The following DIP2A variants were observed in gnomAD, a reference collection of about 807,000 sequenced individuals.
DIP2A encodes DIP2 acetate--CoA ligase A.
In DIP2A, 85 loss-of-function variants were observed where a neutral mutation model predicts 177.4. The observed-to-expected ratio is 0.48, with a 90% CI of 0.40 to 0.57. The LOEUF (loss-of-function observed/expected upper bound fraction) is 0.57, where lower values mean the gene tolerates loss of function less well. Among genes scored for constraint, DIP2A ranks in the 20% least tolerant of loss-of-function variants. The probability of loss-of-function intolerance (pLI) is 0.00; values close to 1 mark genes in which losing one functional copy is unlikely to be tolerated. For synonymous variants in DIP2A, 886 were observed against 881.8 expected, an observed-to-expected ratio of 1.00 and a Z score of -0.08; for missense variants, 1,791 against 2,100.2, an observed-to-expected ratio of 0.85 and a Z score of 2.88.
At position 46,459,062 on chromosome 21, in the gene DIP2A, C is replaced by T. The variant is rs1018351840; in HGVS notation, c.-70C>T. ...GTTGGCCTGAGGGGAGCTACGTAGC[C>T]GAGGTTTGCGCTGCCGCCGCCAGGC... On this transcript the variant is annotated 5_prime_UTR_variant, in exon 1 of 38. Coordinates refer to ENST00000417564, the MANE Select transcript of DIP2A (RefSeq NM_015151.4). The T allele has an allele frequency of 2.4e-5, 31 of 1,293,444 alleles. No individual in the cohort carries two copies. In the Middle Eastern group the frequency reaches 7.7e-4, roughly 32 times the overall value. 80.1% of individuals were successfully genotyped at this position (1,293,444 alleles called of 1,614,324 possible).
chr21:46,459,094 CG>C lies in DIP2A; in HGVS notation c.-36del. 7.0e-7 allele frequency: 1 copy of C among 1,423,610 alleles called. No individual in the cohort carries two copies. Among genetic ancestry groups the C allele is most frequent in the Non-Finnish European group, 9.2e-7 (1 of 1,091,326 alleles). 88.2% of individuals were successfully genotyped at this position (1,423,610 alleles called of 1,614,324 possible). On this transcript the variant is annotated 5_prime_UTR_variant, in exon 1 of 38. Transcript: ENST00000417564. ...TGCGCTGCCGCCGCCAGGCCCGGTC[CG>C]GTTCCAGCCTCTGCCCGGACGCTAG...
At chr21:46,550,228 T>C (rs1601806740) in intron 22 of DIP2A, 2 of 659,744 alleles carry the variant, frequency 3.0e-6, no homozygotes, top group East Asian at 5.8e-5. Context: ...GAAAAAACTT[T>C]CCTCCTCCTG....
At chr21:46,469,888 T>G (rs1241848338) in intron 1 of DIP2A, among the ~76,000 whole-genome samples, 1 of 152,230 alleles carries the variant, frequency 6.6e-6, no homozygotes, top group African/African-American at 2.4e-5. Flanking sequence ...GTGTGACTGC[T>G]TCTCTTATCA....
At chr21:46,473,474 G>A (rs896268686) in intron 1 of DIP2A, among the ~76,000 whole-genome samples, 1 of 147,248 alleles carries the variant, frequency 6.8e-6, no homozygotes, top group Admixed American at 6.7e-5. Context: ...AAAAGGGGGG[G>A]GGGCCATGGC....
At chr21:46,492,199 C>G (rs1351244714) in intron 3 of DIP2A, among the ~76,000 whole-genome samples, 5 of 151,914 alleles carry the variant, frequency 3.3e-5, no homozygotes, top group African/African-American at 1.2e-4. Context: ...CAAAAGTTTA[C>G]TTTTTTGCAT....
At chr21:46,488,873 G>A (rs1292152528) in intron 2 of DIP2A, among the ~76,000 whole-genome samples, 4 of 152,158 alleles carry the variant, frequency 2.6e-5, no homozygotes, top group Non-Finnish European at 5.9e-5. Context: ...CTATCTCAAA[G>A]AATAAAAGGA....
intron 1 of DIP2A, among the ~76,000 whole-genome samples, chr21:46,464,424 T>G (rs1177582788): frequency 6.6e-6 from 1 of 152,180 alleles, no homozygotes; most frequent in Non-Finnish European, 1.5e-5. Context: ...ATGTTCAGAT[T>G]CTACTCATCT....
Position 46,546,994 on chromosome 21 carries a change from T to C in DIP2A, c.2474T>C (p.Val825Ala), listed in dbSNP as rs377302362. 1.9e-6 allele frequency: 3 copies of C among 1,613,996 alleles called. No individual in the cohort carries two copies. Among genetic ancestry groups the C allele is most frequent in the Admixed American group, 1.7e-5 (1 of 60,016 alleles). Residue 825 changes from valine (V) to alanine (A), a missense_variant, in exon 21 of 38, where the codon GTG becomes GCG. By Grantham distance (64) the Val-to-Ala change is moderately conservative. Transcript: ENST00000417564. ...CGCAGACACAATGCAGATGACGTTG[T>C]GGCCACCGCACTGGCCGTGGAGCCC... Reference protein sequence around the residue: ...GVRRHNADDVVATALAVEPMK... With the variant: ...GVRRHNADDVAATALAVEPMK...
chr21:46,463,474 A>G (rs901538678), intron 1 of DIP2A, among the ~76,000 whole-genome samples: 5 of 152,104 alleles, frequency 3.3e-5, no homozygotes, highest in Admixed American at 2.6e-4. Flanking sequence ...TCCCATTCCA[A>G]TTACTTTATT....
chr21:46,463,719 T>TGTGTGTGTGTGTGTGTGTGTGTGTG (rs35675489), intron 1 of DIP2A, among the ~76,000 whole-genome samples: 2 of 122,414 alleles, frequency 1.6e-5, no homozygotes, highest in African/African-American at 4.2e-5. Flanking sequence ...TGTGTGTGTG[T>TGTGTGTGTGTGTGTGTGTGTGTGTG]ATATTTTGAG....
intron 7 of DIP2A, 78 bp from the exon 8 acceptor site, chr21:46,511,339 A>C: frequency 7.1e-7 from 1 of 1,402,732 alleles, no homozygotes. Flanking sequence ...ACAATATTAT[A>C]AACTATGAAT....
At chr21:46,560,847 T>G (rs2839324) in intron 33 of DIP2A, 64 bp downstream of exon 33, 197,066 of 1,554,702 alleles carry the variant, frequency 0.13, 13,170 homozygotes, top group Middle Eastern at 0.15. Flanking sequence ...AAACCAGGTC[T>G]GCACTGACTA....
intron 3 of DIP2A, among the ~76,000 whole-genome samples, chr21:46,493,747 T>C (rs1312438891): frequency 1.3e-5 from 2 of 152,182 alleles, no homozygotes; most frequent in Non-Finnish European, 2.9e-5. Context: ...CTTTCCTGAG[T>C]AGGAAAAGGT....
At chr21:46,519,567 G>A (rs2058730251) in intron 8 of DIP2A, among the ~76,000 whole-genome samples, 1 of 152,136 alleles carries the variant, frequency 6.6e-6, no homozygotes, top group African/African-American at 2.4e-5. Context: ...AGAAAGAAAG[G>A]AGCTAAGTCA....
intron 5 of DIP2A, among the ~76,000 whole-genome samples, chr21:46,500,453 G>A (rs1009220741): frequency 6.6e-6 from 1 of 152,108 alleles, no homozygotes; most frequent in African/African-American, 2.4e-5. Context: ...TGCCTTCTCT[G>A]TTCATCGTTG....
rs540024114 is a variant in DIP2A at position 46,506,714 on chromosome 21, T to C, written c.784+2225T>C. On this transcript the variant is annotated intron_variant, in intron 6 of 37. Coordinates refer to ENST00000417564, the MANE Select transcript of DIP2A (RefSeq NM_015151.4). ...ACTTTTGGCCTATTTTTTTTTTTAA[T>C]TGTGCTTGTTTTTCTTTCTTTCTTT... Among the ~76,000 whole-genome samples the C allele has an allele frequency of 1.1e-3, 85 of 79,052 alleles. 1 individual carries two copies. The Middle Eastern group carries it at 0.024, about 23-fold the overall frequency. The allele number at this position is 79,052 out of a possible 152,430, so 51.9% of individuals were successfully genotyped here.
Position 46,537,499 on chromosome 21 carries a change from G to A in DIP2A, c.1761G>A (p.Ala587=), listed in dbSNP as rs927008486. The A allele has an allele frequency of 5.6e-6, 9 of 1,614,056 alleles. No homozygotes were observed. The highest frequency in any genetic ancestry group is 1.1e-5 in the South Asian group (1 of 91,080). The stretch of plus-strand genomic sequence containing the variant: ...GCGTCCCCTACGCGCTGATGAAGGC[G>A]AACCCACTCTCCTGGATCCAGAAAG... The part of the protein sequence containing the change: ...VVSVPYALMK[A]NPLSWIQKVC... Residue 587 remains alanine (A), a synonymous_variant, in exon 15 of 38, where the codon GCG becomes GCA. Coordinates refer to ENST00000417564, the MANE Select transcript of DIP2A (RefSeq NM_015151.4). The surrounding 1 kb of genome is among the most constrained non-coding windows in gnomAD (Gnocchi z 4.1).
At chr21:46,577,868 C>T in the DIP2A span, among the ~76,000 whole-genome samples, 1 of 152,136 alleles carries the variant, frequency 6.6e-6, no homozygotes, top group African/African-American at 2.4e-5. Context: ...TAACTGTATT[C>T]CTAGGTATTT....
chr21:46,528,347 G>T (rs1286802557), intron 8 of DIP2A, among the ~76,000 whole-genome samples: 1 of 151,840 alleles, frequency 6.6e-6, no homozygotes, highest in Non-Finnish European at 1.5e-5. Context: ...GTAATTGAGG[G>T]ATATTTAACG....
Sources: allele counts gnomAD v4.1 joint callset (sites outside exome capture counted in the v4.1 genomes callset), GRCh38; gene constraint gnomAD v4.1.1; non-coding constraint Gnocchi (gnomAD v3.1); transcripts MANE v1.5; gene names NCBI Gene and HGNC (gene_info 2026-07-23, HGNC 2026-07-21).